The following GOLM1 variants were observed in gnomAD, a reference collection of about 807,000 sequenced individuals.
The protein encoded by GOLM1 is golgi membrane protein 1, also known as epididymis luminal protein 46.
In GOLM1, 31 loss-of-function variants were observed where a neutral mutation model predicts 50.5. That is an observed-to-expected ratio of 0.61 (90% CI 0.46 to 0.83). GOLM1 has a LOEUF of 0.83. Ranked by LOEUF, GOLM1 falls within the 40% of genes least tolerant of loss-of-function variation. The pLI is 0.00. For synonymous variants in GOLM1, 178 were observed against 192.8 expected (o/e 0.92, Z 0.64); for missense variants, 491 against 501.3 (o/e 0.98, Z 0.20).
rs1394434324 is a variant in GOLM1, at chr9:86,027,621, C to G, written c.*196G>C. On this transcript the variant is annotated 3_prime_UTR_variant, in exon 10 of 10. Coordinates refer to ENST00000388712, the MANE Select transcript of GOLM1 (RefSeq NM_016548.4). ...ATTGTGACACCTTATTAGACACTTCCAAAGTACCCCCCAAAAGCTGTTTAA... is the reference window on the plus strand; with the variant it reads ...ATTGTGACACCTTATTAGACACTTCGAAAGTACCCCCCAAAAGCTGTTTAA... 21 of 1,360,912 alleles carry G rather than the reference C, an allele frequency of 1.5e-5. No individual in the cohort carries two copies. The highest frequency in any genetic ancestry group is 1.7e-5 in the Non-Finnish European group (18 of 1,061,514). The allele number at this position is 1,360,912 out of a possible 1,614,324, so 84.3% of individuals were successfully genotyped here.
At chr9:86,075,881 TACA>T (rs1299111334) in intron 3 of GOLM1, among the ~76,000 whole-genome samples, 3 of 152,190 alleles carry the variant, frequency 2.0e-5, no homozygotes, top group East Asian at 1.9e-4. Context: ...AGCACTTTAT[TACA>T]ACAACATTAT....
intron 5 of GOLM1, among the ~76,000 whole-genome samples, chr9:86,045,296 A>T (rs956638271): frequency 6.6e-6 from 1 of 151,840 alleles, no homozygotes; most frequent in African/African-American, 2.4e-5. Flanking sequence ...GGTTGCAGTG[A>T]GCTGAGATTG....
rs1834721884 is a variant in GOLM1, at chr9:86,079,448, T to G, written c.-21-107A>C. 11 of 870,310 alleles carry G rather than the reference T, an allele frequency of 1.3e-5. No individual in the cohort carries two copies. In the South Asian group the frequency reaches 2.2e-4, roughly 17 times the overall value. 53.9% of individuals were successfully genotyped at this position (870,310 alleles called of 1,614,324 possible). On this transcript the variant is annotated intron_variant, in intron 1 of 9. Transcript: ENST00000388712. ...AGGAAAGGAGTCTTGCCAAGAAGCG[T>G]GGGCTGGTAGCTTCTCCTTGACGTG...
Position 86,049,856 on chromosome 9 carries a change from A to C in GOLM1, c.364+2681T>G, listed in dbSNP as rs150696508. ...CTCTTTTCCTAATTGAATACCCTTT[A>C]TTTCTTTCTCCTGCCTGACTGCCCT... is the stretch of plus-strand genomic sequence containing the variant. On this transcript the variant is annotated intron_variant, in intron 4 of 9. Transcript: ENST00000388712. Among the ~76,000 whole-genome samples the C allele has an allele frequency of 6.9e-3, 1,044 of 152,194 alleles. 13 individuals are homozygous for C. The highest frequency in any genetic ancestry group is 0.024 in the African/African-American group (1,001 of 41,514).
chr9:86,035,587 G>C lies in GOLM1; in HGVS notation c.796C>G (p.Gln266Glu). Residue 266 changes from glutamine (Q) to glutamate (E), a missense_variant, in exon 8 of 10, where the codon CAG becomes GAG. Gln to Glu is a conservative substitution (Grantham distance 29, BLOSUM62 2). Coordinates refer to ENST00000388712, the MANE Select transcript of GOLM1 (RefSeq NM_016548.4). ...NEIQVVNEEP[Q>E]RDRLPQEPGR... ...GGCTCCTGCGGCAGCCTGTCCCTCT[G>C]AGGCTCCTCATTCACCACCTGGATC... The C allele has an allele frequency of 3.1e-6, 5 of 1,605,220 alleles. No individual in the cohort carries two copies. The highest frequency in any genetic ancestry group is 3.4e-6 in the Non-Finnish European group (4 of 1,179,172).
At chr9:86,079,059 C>T in intron 2 of GOLM1, 133 bp downstream of exon 2, 1 of 752,462 alleles carries the variant, frequency 1.3e-6, no homozygotes. Flanking sequence ...GAGCCCTAAA[C>T]TCACCTTACA....
At chr9:86,045,507 G>A (rs1213333744) in intron 5 of GOLM1, among the ~76,000 whole-genome samples, 2 of 149,266 alleles carry the variant, frequency 1.3e-5, no homozygotes, top group South Asian at 4.2e-4. Flanking sequence ...ACTCCATCTC[G>A]ACTAAAAAAA....
intron 1 of GOLM1, among the ~76,000 whole-genome samples, chr9:86,090,157 C>G (rs549110291): frequency 2.6e-5 from 4 of 152,154 alleles, no homozygotes; most frequent in Non-Finnish European, 4.4e-5. Context: ...CCAGCCGGAG[C>G]TCTCCTGTAT....
At chr9:86,087,383 G>A (rs562897015) in intron 1 of GOLM1, among the ~76,000 whole-genome samples, 26 of 152,266 alleles carry the variant, frequency 1.7e-4, no homozygotes, top group African/African-American at 5.8e-4. Flanking sequence ...CAATCATGTT[G>A]TCTGCAAACA....
intron 3 of GOLM1, among the ~76,000 whole-genome samples, chr9:86,059,310 C>T (rs1390807761): frequency 2.0e-5 from 3 of 152,230 alleles, no homozygotes; most frequent in African/African-American, 4.8e-5. Flanking sequence ...CGTCAACAGG[C>T]GAACAGATAA....
rs1317956549 is a variant in GOLM1, at chr9:86,033,410, C to T, written c.1016-15G>A. 1 of 1,424,906 alleles carries T rather than the reference C, an allele frequency of 7.0e-7. No homozygotes were observed. Among genetic ancestry groups the T allele is most frequent in the Admixed American group, 1.7e-5 (1 of 59,728 alleles). 88.3% of individuals were successfully genotyped at this position (1,424,906 alleles called of 1,614,324 possible). ...CTGGTTTCTCCCTGTAAAATTAGCACATAAAACATAAGCTACATCATTTCT... is the reference window on the plus strand; with the variant it reads ...CTGGTTTCTCCCTGTAAAATTAGCATATAAAACATAAGCTACATCATTTCT... On this transcript the variant is annotated splice_polypyrimidine_tract_variant and intron_variant, in intron 8 of 9. Coordinates refer to ENST00000388712, the MANE Select transcript of GOLM1 (RefSeq NM_016548.4).
chr9:86,036,592 C>T (rs1833154751), intron 6 of GOLM1, 85 bp from the exon 7 acceptor site: 4 of 1,329,260 alleles, frequency 3.0e-6, no homozygotes, highest in African/African-American at 1.5e-5. Context: ...CAATGAATCC[C>T]ACCAATCCCA....
At chr9:86,046,222 C>T (rs1833534655) in intron 5 of GOLM1, among the ~76,000 whole-genome samples, 1 of 152,224 alleles carries the variant, frequency 6.6e-6, no homozygotes. Flanking sequence ...TTGACTTAAC[C>T]AGTACACCTG....
At chr9:86,033,753 A>T (rs1587694168) in intron 8 of GOLM1, among the ~76,000 whole-genome samples, 1 of 152,308 alleles carries the variant, frequency 6.6e-6, no homozygotes, top group South Asian at 2.1e-4. Flanking sequence ...TAATGACAGC[A>T]TCTCCTTAGA....
intron 3 of GOLM1, 143 bp downstream of exon 3, chr9:86,077,269 C>G: frequency 1.5e-6 from 1 of 686,184 alleles, no homozygotes; most frequent in Admixed American, 2.6e-5. Flanking sequence ...GGAGAGAATG[C>G]CCAAAGCTTG....
chr9:86,059,714 C>G (rs1834097482), intron 3 of GOLM1, among the ~76,000 whole-genome samples: 1 of 150,888 alleles, frequency 6.6e-6, no homozygotes, highest in Non-Finnish European at 1.5e-5. Flanking sequence ...AGCCAACATA[C>G]TGAAACCCCG....
intron 4 of GOLM1, among the ~76,000 whole-genome samples, chr9:86,047,996 A>T (rs571923914): frequency 1.2e-4 from 18 of 151,822 alleles, no homozygotes; most frequent in African/African-American, 4.3e-4. Context: ...GTCATTTACA[A>T]TAGGTAATTT....
At position 86,081,219 on chromosome 9, in the gene GOLM1, G is replaced by A. The variant is rs947953454; in HGVS notation, c.-21-1878C>T. Among the ~76,000 whole-genome samples the A allele has an allele frequency of 1.3e-4, 19 of 145,278 alleles. 1 individual carries two copies. The highest frequency in any genetic ancestry group is 2.8e-4 in the African/African-American group (11 of 39,212). The stretch of plus-strand genomic sequence containing the variant: ...ATTTTTTTTTTTTTTTTTTTGAGAC[G>A]GAGTTTCGCTCTTGTTTTCCAGGCT... On this transcript the variant is annotated intron_variant, in intron 1 of 9. Coordinates refer to ENST00000388712, the MANE Select transcript of GOLM1 (RefSeq NM_016548.4).
At chr9:86,031,861 G>C (rs1253089761) in intron 9 of GOLM1, among the ~76,000 whole-genome samples, 2 of 150,170 alleles carry the variant, frequency 1.3e-5, no homozygotes, top group African/African-American at 4.9e-5. Flanking sequence ...AAAGACGCCA[G>C]GTTGCAGTCA....
Sources: allele counts gnomAD v4.1 joint callset (sites outside exome capture counted in the v4.1 genomes callset), GRCh38; gene constraint gnomAD v4.1.1; transcripts MANE v1.5; gene names NCBI Gene and HGNC (gene_info 2026-07-23, HGNC 2026-07-21).